NEK7: variants seen among roughly 807,000 people sequenced by gnomAD.
NEK7 encodes the protein serine/threonine-protein kinase Nek7.
A neutral mutation model predicts 44.6 loss-of-function variants in NEK7; 18 were observed. That is an observed-to-expected ratio of 0.40 (90% confidence interval 0.28 to 0.60). NEK7 has a LOEUF of 0.60. NEK7 is among the 20% of genes least tolerant of loss of function. The probability of loss-of-function intolerance (pLI) is 0.38; values close to 1 mark genes in which losing one functional copy is unlikely to be tolerated. For synonymous variants in NEK7, 130 were observed against 121.1 expected (o/e 1.07, Z -0.48); for missense variants, 256 against 366.5 (o/e 0.70, Z 2.46).
intron 2 of NEK7, among the ~76,000 whole-genome samples, chr1:198,248,135 G>C (rs1666887451): frequency 6.6e-6 from 1 of 152,182 alleles, no homozygotes; most frequent in African/African-American, 2.4e-5. Context: ...CAGGAATCTT[G>C]AAAAGGCTCA....
Position 198,231,822 on chromosome 1 carries a change from C to G in NEK7, c.-28-731C>G, listed in dbSNP as rs1322617120. Among the ~76,000 whole-genome samples, 5 of 151,860 alleles carry G rather than the reference C, an allele frequency of 3.3e-5. No homozygotes were observed. In the East Asian group the frequency reaches 9.7e-4, roughly 29 times the overall value. ...TGTTTTAGTTGTTCCATCAGTTAAT[C>G]CCATTTAAAAGGGAAGCTAGTTTTT... On this transcript the variant is annotated intron_variant, in intron 1 of 9. Coordinates refer to ENST00000367385, the MANE Select transcript of NEK7 (RefSeq NM_133494.3).
At chr1:198,193,329 C>T (rs1665133227) in intron 1 of NEK7, among the ~76,000 whole-genome samples, 2 of 151,878 alleles carry the variant, frequency 1.3e-5, no homozygotes, top group East Asian at 1.9e-4. Flanking sequence ...AGCCTACTAA[C>T]CAAAAAAAGC....
intron 1 of NEK7, among the ~76,000 whole-genome samples, chr1:198,185,845 A>G (rs1203311395): frequency 6.6e-6 from 1 of 152,202 alleles, no homozygotes; most frequent in Non-Finnish European, 1.5e-5. Context: ...TTATTTGTTC[A>G]GTTTGATTGG....
intron 1 of NEK7, among the ~76,000 whole-genome samples, chr1:198,162,860 A>G (rs549674098): frequency 6.6e-6 from 1 of 152,262 alleles, no homozygotes; most frequent in South Asian, 2.1e-4. Flanking sequence ...AGAAAAAGGC[A>G]CAAGAGGCTT....
intron 5 of NEK7, among the ~76,000 whole-genome samples, chr1:198,273,838 T>A (rs1321437494): frequency 6.6e-6 from 1 of 151,738 alleles, no homozygotes; most frequent in African/African-American, 2.4e-5. Context: ...TCTGTTTTAT[T>A]TGAAACTAAG....
chr1:198,238,477 CCT>C (rs1491496533), intron 2 of NEK7, among the ~76,000 whole-genome samples: 5 of 114,440 alleles, frequency 4.4e-5, no homozygotes, highest in African/African-American at 6.1e-5. Flanking sequence ...AAATTTAACC[CCT>C]GACCCACTCT....
intron 1 of NEK7, among the ~76,000 whole-genome samples, chr1:198,159,080 A>C (rs1177237483): frequency 1.3e-5 from 2 of 152,144 alleles, no homozygotes; most frequent in South Asian, 4.2e-4. Context: ...AGCCCGGAGG[A>C]CCCTCCCGGA....
chr1:198,271,997 T>C (rs1653867676), intron 5 of NEK7, among the ~76,000 whole-genome samples: 2 of 150,134 alleles, frequency 1.3e-5, no homozygotes. Flanking sequence ...TATGTGTCTA[T>C]ATCTGTATAA....
At chr1:198,167,434 A>T (rs967621853) in intron 1 of NEK7, among the ~76,000 whole-genome samples, 1 of 152,164 alleles carries the variant, frequency 6.6e-6, no homozygotes, top group Non-Finnish European at 1.5e-5. Context: ...ATCTTATATG[A>T]TATGCACTCA....
rs181693034 is a variant in NEK7 at position 198,315,083 on chromosome 1, G to A, written c.799-4329G>A. ...CAAGACTGCTGTGCTAGCAATCAGG[G>A]AGACTCCATGGGCGTAGGACCCTCC... On this transcript the variant is annotated intron_variant, in intron 9 of 9. Coordinates refer to ENST00000367385, the MANE Select transcript of NEK7 (RefSeq NM_133494.3). Among the ~76,000 whole-genome samples the A allele has an allele frequency of 6.2e-4, 95 of 152,276 alleles. No individual in the cohort carries two copies. In the East Asian group the frequency reaches 0.01, roughly 16 times the overall value.
intron 1 of NEK7, among the ~76,000 whole-genome samples, chr1:198,227,833 A>T (rs568486081): frequency 2.0e-5 from 3 of 152,156 alleles, no homozygotes; most frequent in African/African-American, 7.2e-5. Flanking sequence ...GTTCACTCTG[A>T]TGGTAGTTTC....
chr1:198,167,673 AG>A (rs34477184), intron 1 of NEK7, among the ~76,000 whole-genome samples: 3 of 152,102 alleles, frequency 2.0e-5, no homozygotes, highest in African/African-American at 7.2e-5. Context: ...TTTTTTGCAC[AG>A]GGGCAAAAGC....
intron 1 of NEK7, among the ~76,000 whole-genome samples, chr1:198,229,145 A>C (rs908890132): frequency 1.3e-5 from 2 of 152,114 alleles, no homozygotes; most frequent in Non-Finnish European, 2.9e-5. Flanking sequence ...TTGTCCAGTC[A>C]CATTTCTGTA....
In NEK7 at chr1:198,258,097, G is replaced by C. The variant is rs577266713; in HGVS notation, c.199-4478G>C. 2.0e-5 allele frequency among the ~76,000 whole-genome samples: 3 copies of C among 152,284 alleles called. No homozygotes were observed. In the East Asian group the frequency reaches 5.8e-4, roughly 29 times the overall value. On this transcript the variant is annotated intron_variant, in intron 3 of 9. Coordinates refer to ENST00000367385, the MANE Select transcript of NEK7 (RefSeq NM_133494.3). Reference sequence around the variant, plus strand: ...CTCTCCGAGGATGTGAAATTTAAGCGTAGGTGGAGGATAAGGAGTCAGTCA... The same window carrying C: ...CTCTCCGAGGATGTGAAATTTAAGCCTAGGTGGAGGATAAGGAGTCAGTCA...
chr1:198,320,087 T>C lies in NEK7; in HGVS notation c.*565T>C, dbSNP rs1655491770. 1 of 152,194 alleles carries C rather than the reference T, an allele frequency of 6.6e-6. No homozygotes were observed. Among genetic ancestry groups the C allele is most frequent in the African/African-American group, 2.4e-5 (1 of 41,466 alleles). 9.4% of individuals were successfully genotyped at this position (152,194 alleles called of 1,614,324 possible). A position where few individuals can be genotyped will look rare whatever the true frequency, so the allele number is the denominator to read the frequency against. Reference sequence around the variant, plus strand: ...TTGAGAAACATTTAGAACTCTTAGCTTATACATTCAAAATGTAACTATTAA... The same window carrying C: ...TTGAGAAACATTTAGAACTCTTAGCCTATACATTCAAAATGTAACTATTAA... On this transcript the variant is annotated 3_prime_UTR_variant, in exon 10 of 10. Transcript: ENST00000367385.
At chr1:198,171,946 C>T (rs1030077921) in intron 1 of NEK7, among the ~76,000 whole-genome samples, 1 of 152,156 alleles carries the variant, frequency 6.6e-6, no homozygotes, top group African/African-American at 2.4e-5. Context: ...AGTAGCAGTA[C>T]CCAGTGATGG....
intron 1 of NEK7, among the ~76,000 whole-genome samples, chr1:198,222,068 G>A (rs1303288233): frequency 6.6e-6 from 1 of 151,806 alleles, no homozygotes; most frequent in African/African-American, 2.4e-5. Flanking sequence ...CAGATCTGAT[G>A]TCTTAAAACT....
intron 7 of NEK7, among the ~76,000 whole-genome samples, chr1:198,280,419 A>G (rs1029591991): frequency 6.6e-6 from 1 of 152,044 alleles, no homozygotes; most frequent in African/African-American, 2.4e-5. Flanking sequence ...TCATGCACAC[A>G]CGTGTGTTGT....
intron 3 of NEK7, chr1:198,256,592 T>G (rs559618512): frequency 2.3e-6 from 3 of 1,315,170 alleles, no homozygotes; most frequent in East Asian, 2.6e-5. Flanking sequence ...CTGCTGATCA[T>G]TGAATTCATT....
Sources: gnomAD v4.1 joint callset for allele counts (sites outside exome capture counted in the v4.1 genomes callset) on GRCh38, gnomAD v4.1.1 for gene constraint, MANE v1.5 for transcripts, NCBI Gene and HGNC (gene_info 2026-07-23, HGNC 2026-07-21) for gene names.